ITSN1: variants seen among roughly 807,000 people sequenced by gnomAD.
ITSN1 encodes the protein intersectin 1.
Under a neutral mutation model 239.8 loss-of-function variants are expected in ITSN1, and 58 were observed. The observed-to-expected ratio is 0.24, with a 90% confidence interval of 0.20 to 0.30. The LOEUF (loss-of-function observed/expected upper bound fraction) is 0.30. Among genes scored for constraint, ITSN1 ranks in the 10% least tolerant of loss-of-function variants. ITSN1 has a pLI of 1.00. For synonymous variants in ITSN1, 780 were observed against 770.8 expected (o/e 1.01, Z -0.20); for missense variants, 1,558 against 2,103.3 (o/e 0.74, Z 5.07).
At chr21:33,659,824 A>T (rs761524637) in intron 1 of ITSN1, among the ~76,000 whole-genome samples, 2 of 149,552 alleles carry the variant, frequency 1.3e-5, no homozygotes, top group Non-Finnish European at 3.0e-5. Context: ...GGCTCAGGCA[A>T]TCCTCTCACC....
intron 1 of ITSN1, among the ~76,000 whole-genome samples, chr21:33,691,659 A>G (rs2091553440): frequency 6.6e-6 from 1 of 152,230 alleles, no homozygotes. Flanking sequence ...GCCTTAAGCA[A>G]TCGAAATTTA....
At chr21:33,723,577 G>A (rs1028726742) in intron 4 of ITSN1, among the ~76,000 whole-genome samples, 11 of 152,072 alleles carry the variant, frequency 7.2e-5, no homozygotes, top group Non-Finnish European at 1.5e-4. Flanking sequence ...TCATGCCACT[G>A]CACTCCAGCC....
chr21:33,750,070 T>C (rs1381191428), intron 5 of ITSN1, 73 bp from the exon 6 acceptor site: 3 of 1,363,384 alleles, frequency 2.2e-6, no homozygotes, highest in Non-Finnish European at 3.1e-6. Context: ...CTTTAAGCAG[T>C]ACTGGGTTAA....
Position 33,689,203 on chromosome 21 carries a change from A to G in ITSN1, c.-32-29594A>G, listed in dbSNP as rs560079620. 2.6e-5 allele frequency: 4 copies of G among 152,348 alleles called. No individual in the cohort carries two copies. In the East Asian group the frequency reaches 5.8e-4, roughly 22 times the overall value. 9.4% of individuals were successfully genotyped at this position (152,348 alleles called of 1,614,324 possible). On this transcript the variant is annotated intron_variant, in intron 1 of 39. Coordinates refer to ENST00000381318, the MANE Select transcript of ITSN1 (RefSeq NM_003024.3). ...TAATGTTGACTTACTGATTTAGAAT[A>G]TCATTCTCTTGGTATGCTTCTATAA...
At chr21:33,667,202 A>G (rs911390703) in intron 1 of ITSN1, among the ~76,000 whole-genome samples, 8 of 150,942 alleles carry the variant, frequency 5.3e-5, no homozygotes, top group African/African-American at 1.9e-4. Context: ...TCTATAATAT[A>G]TGATGGTGTA....
At chr21:33,820,882 C>T (rs909937423) in intron 24 of ITSN1, among the ~76,000 whole-genome samples, 2 of 152,162 alleles carry the variant, frequency 1.3e-5, no homozygotes, top group African/African-American at 4.8e-5. Context: ...TGGTGTGTTA[C>T]ATCCAATCAA....
At chr21:33,776,046 C>T (rs535710491) in intron 14 of ITSN1, among the ~76,000 whole-genome samples, 2 of 152,154 alleles carry the variant, frequency 1.3e-5, no homozygotes, top group Non-Finnish European at 2.9e-5. Flanking sequence ...GAGTGAATGA[C>T]TCTTTTGTTT....
intron 14 of ITSN1, 111 bp from the exon 15 acceptor site, chr21:33,781,350 T>G: frequency 1.5e-6 from 1 of 661,688 alleles, no homozygotes; most frequent in Admixed American, 3.0e-5. Context: ...AGCTTCACCA[T>G]GCAGGATTTG....
At position 33,794,346 on chromosome 21, in the gene ITSN1, AAG is replaced by A; in HGVS notation, c.1834_1835del (p.Glu612AsnfsTer4). On this transcript the variant is annotated frameshift_variant, in exon 17 of 40. Transcript: ENST00000381318. LOFTEE classifies it high-confidence loss of function. The stretch of plus-strand genomic sequence containing the variant: ...TGTTTCTCGGTTAATTATAGGAACT[AAG>A]AGAAATACACAATAAGCAACAACTC... ...DIFNNQLKEL[R>X]EIHNKQQLQK... is the part of the protein sequence containing the mutation. 1 of 1,610,650 alleles carries A rather than the reference AAG, an allele frequency of 6.2e-7. No homozygotes were observed. Among genetic ancestry groups the A allele is most frequent in the Non-Finnish European group, 8.5e-7 (1 of 1,178,182 alleles).
At chr21:33,727,431 A>G (rs7278657) in intron 4 of ITSN1, among the ~76,000 whole-genome samples, 1 of 151,700 alleles carries the variant, frequency 6.6e-6, no homozygotes, top group Non-Finnish European at 1.5e-5. Context: ...GGGCCCTGAG[A>G]GGAAAGAAGG....
chr21:33,656,455 T>C (rs2089084698), intron 1 of ITSN1, among the ~76,000 whole-genome samples: 1 of 152,214 alleles, frequency 6.6e-6, no homozygotes, highest in South Asian at 2.1e-4. Context: ...AAACCAATAC[T>C]ACAGACATTC....
intron 34 of ITSN1, among the ~76,000 whole-genome samples, chr21:33,881,945 CAAAAAAAAAAAA>C (rs370697945): frequency 3.4e-5 from 3 of 88,410 alleles, no homozygotes; most frequent in Non-Finnish European, 6.7e-5. Flanking sequence ...GACCCTGTCT[CAAAAAAAAAAAA>C]AAAAAAGAAA....
intron 24 of ITSN1, among the ~76,000 whole-genome samples, chr21:33,821,168 GTGTT>G (rs776287963): frequency 2.6e-5 from 4 of 152,240 alleles, no homozygotes; most frequent in Admixed American, 6.5e-5. Context: ...GTATGGAGGA[GTGTT>G]TGTTTGTTTT....
chr21:33,762,735 C>T (rs1012813720), intron 9 of ITSN1, among the ~76,000 whole-genome samples: 2 of 152,036 alleles, frequency 1.3e-5, no homozygotes, highest in Non-Finnish European at 2.9e-5. Flanking sequence ...GCCATCTTGG[C>T]TCACTGCAAC....
intron 36 of ITSN1, among the ~76,000 whole-genome samples, chr21:33,884,734 C>T (rs180960370): frequency 1.4e-4 from 22 of 152,250 alleles, no homozygotes; most frequent in East Asian, 3.9e-4. Flanking sequence ...TGCTGCTCTT[C>T]GGTAAGGAAG....
Position 33,648,870 on chromosome 21 carries a change from AAGG to A in ITSN1, c.-33+6160_-33+6162del, listed in dbSNP as rs374960291. Among the ~76,000 whole-genome samples the A allele has an allele frequency of 5.6e-3, 846 of 152,152 alleles. 7 individuals are homozygous for A. Among genetic ancestry groups the A allele is most frequent in the African/African-American group, 0.019 (809 of 41,496 alleles). On this transcript the variant is annotated intron_variant, in intron 1 of 39. Coordinates refer to ENST00000381318, the MANE Select transcript of ITSN1 (RefSeq NM_003024.3). ...GGCAGGGCAAGAGAGAGAGAAAAGA[AAGG>A]AGAGAAAGAGAAAGAGAAGGAAGGA... is the stretch of plus-strand genomic sequence containing the variant.
At position 33,885,097 on chromosome 21, in the gene ITSN1, AAAAG is replaced by A; in HGVS notation, c.4736_4739del (p.Lys1579SerfsTer19). 6.2e-7 allele frequency: 1 copy of A among 1,614,112 alleles called. No homozygotes were observed. Among genetic ancestry groups the A allele is most frequent in the Non-Finnish European group, 8.5e-7 (1 of 1,179,992 alleles). ...TCTGAACTCTACATAGAGACTGAGA[AAAAG>A]AAGCGCGAGAAAGCGTACCTGGGTA... is the stretch of plus-strand genomic sequence containing the variant. On this transcript the variant is annotated frameshift_variant, in exon 37 of 40. Coordinates refer to ENST00000381318, the MANE Select transcript of ITSN1 (RefSeq NM_003024.3). LOFTEE classifies it high-confidence loss of function.
At chr21:33,731,100 A>G (rs1475068896) in intron 4 of ITSN1, among the ~76,000 whole-genome samples, 4 of 152,236 alleles carry the variant, frequency 2.6e-5, no homozygotes, top group Non-Finnish European at 5.9e-5. Flanking sequence ...GACATTTTCA[A>G]CTAAATGTTG....
At chr21:33,674,242 G>A (rs1301590766) in intron 1 of ITSN1, among the ~76,000 whole-genome samples, 1 of 152,122 alleles carries the variant, frequency 6.6e-6, no homozygotes, top group African/African-American at 2.4e-5. Flanking sequence ...TTTTTCAGCT[G>A]TTAGATATTT....
Sources: allele counts gnomAD v4.1 joint callset (sites outside exome capture counted in the v4.1 genomes callset), GRCh38; gene constraint gnomAD v4.1.1; transcripts MANE v1.5; gene names NCBI Gene and HGNC (gene_info 2026-07-23, HGNC 2026-07-21).